Variants in ADAMTS6 observed in about 807,000 individuals in gnomAD.
ADAMTS6 encodes the protein ADAM metallopeptidase with thrombospondin type 1 motif 6.
In ADAMTS6, 23 loss-of-function variants were observed where a neutral mutation model predicts 144.3. The ratio of observed to expected loss-of-function variants is 0.16; its 90% CI spans 0.11 to 0.23. The LOEUF is 0.23. Ranked by LOEUF, ADAMTS6 falls within the 10% of genes least tolerant of loss-of-function variation. The pLI is 1.00. For missense variants in ADAMTS6, 999 were observed against 1,379.6 expected, an observed-to-expected ratio of 0.72 and a Z score of 4.37; for synonymous variants, 444 against 457.5, an observed-to-expected ratio of 0.97 and a Z score of 0.38.
At chr5:65,152,047 C>T in intron 24 of ADAMTS6, 102 bp from the exon 25 acceptor site, 1 of 973,600 alleles carries the variant, frequency 1.0e-6, no homozygotes, top group Non-Finnish European at 1.6e-6. Flanking sequence ...CCCTTTGGGC[C>T]AATCCACCTT....
At chr5:65,422,093 C>T (rs890134156) in intron 7 of ADAMTS6, among the ~76,000 whole-genome samples, 18 of 151,946 alleles carry the variant, frequency 1.2e-4, no homozygotes, top group African/African-American at 4.1e-4. Context: ...CTACAAGGAA[C>T]TCAAAACAAA....
At chr5:65,259,072 G>A (rs62369608) in intron 14 of ADAMTS6, among the ~76,000 whole-genome samples, 25,333 of 151,856 alleles carry the variant, frequency 0.17, 2,606 homozygotes, top group African/African-American at 0.28. Context: ...AGTAGTAGGA[G>A]CTGGCCGGGC....
intron 7 of ADAMTS6, among the ~76,000 whole-genome samples, chr5:65,371,464 C>A (rs561446484): frequency 6.6e-6 from 1 of 151,846 alleles, no homozygotes; most frequent in East Asian, 1.9e-4. Context: ...TCGAGAACTA[C>A]GTGAAGAATG....
At chr5:65,388,916 A>C (rs1371784666) in intron 7 of ADAMTS6, among the ~76,000 whole-genome samples, 1 of 152,184 alleles carries the variant, frequency 6.6e-6, no homozygotes, top group Non-Finnish European at 1.5e-5. Context: ...TATAGAAATG[A>C]AGGTTTCCAG....
At chr5:65,156,990 C>T (rs574230598) in intron 24 of ADAMTS6, among the ~76,000 whole-genome samples, 1 of 152,190 alleles carries the variant, frequency 6.6e-6, no homozygotes, top group East Asian at 1.9e-4. Context: ...TACACTTTAC[C>T]CAGGACTAGA....
rs1008747096 is a variant in ADAMTS6 at position 65,173,752 on chromosome 5, C to T, written c.2911-744G>A. ...TAAAATATGTAATTCAGGCCAGGCA[C>T]GGCAGCTTACGCCTGTAATCCCAGC... On this transcript the variant is annotated intron_variant, in intron 22 of 24. Coordinates refer to ENST00000381055, the MANE Select transcript of ADAMTS6 (RefSeq NM_197941.4). 7.9e-5 allele frequency among the ~76,000 whole-genome samples: 12 copies of T among 152,210 alleles called. No homozygotes were observed. In the South Asian group the frequency reaches 8.3e-4, roughly 11 times the overall value.
intron 7 of ADAMTS6, among the ~76,000 whole-genome samples, chr5:65,428,059 C>G (rs894794247): frequency 4.0e-5 from 6 of 151,610 alleles, no homozygotes; most frequent in Non-Finnish European, 7.4e-5. Flanking sequence ...AAGCCCGTCT[C>G]TACTAAAAAT....
At chr5:65,458,760 A>T (rs2150261377) in intron 4 of ADAMTS6, among the ~76,000 whole-genome samples, 1 of 152,278 alleles carries the variant, frequency 6.6e-6, no homozygotes, top group African/African-American at 2.4e-5. Context: ...TTACCTTTGC[A>T]TTAAGCTGAA....
At chr5:65,315,370 TAAGAG>T (rs552450568) in intron 9 of ADAMTS6, among the ~76,000 whole-genome samples, 129 of 151,954 alleles carry the variant, frequency 8.5e-4, no homozygotes, top group African/African-American at 3.0e-3. Flanking sequence ...ATTGATATGC[TAAGAG>T]AAGAGATAAA....
chr5:65,241,010 A>G (rs186367919), intron 15 of ADAMTS6, among the ~76,000 whole-genome samples: 1 of 152,178 alleles, frequency 6.6e-6, no homozygotes, highest in Admixed American at 6.6e-5. Context: ...ACTTAGAGGA[A>G]AGTACATTAA....
intron 15 of ADAMTS6, among the ~76,000 whole-genome samples, chr5:65,232,578 C>T (rs186874236): frequency 1.3e-5 from 2 of 150,600 alleles, no homozygotes; most frequent in Admixed American, 1.3e-4. Context: ...ACTTATATGT[C>T]AACAAGTTAG....
intron 7 of ADAMTS6, among the ~76,000 whole-genome samples, chr5:65,361,116 A>G (rs186263465): frequency 1.3e-5 from 2 of 152,326 alleles, no homozygotes; most frequent in Admixed American, 1.3e-4. Context: ...GGCCAACTGA[A>G]TATGAACCCC....
intron 17 of ADAMTS6, 110 bp downstream of exon 17, chr5:65,224,814 C>A: frequency 1.5e-6 from 2 of 1,306,732 alleles, no homozygotes; most frequent in East Asian, 2.5e-5. Flanking sequence ...GGGAAGAAAA[C>A]ATTGTCTGCC....
At chr5:65,408,274 C>T (rs866499402) in intron 7 of ADAMTS6, among the ~76,000 whole-genome samples, 3 of 152,010 alleles carry the variant, frequency 2.0e-5, no homozygotes, top group African/African-American at 4.8e-5. Context: ...CAGAGACACA[C>T]ATAGGCTCAA....
intron 15 of ADAMTS6, among the ~76,000 whole-genome samples, chr5:65,234,752 C>A (rs1002551940): frequency 2.6e-5 from 4 of 152,266 alleles, no homozygotes; most frequent in South Asian, 2.1e-4. Flanking sequence ...AATCCCACTT[C>A]TGGGTATATA....
At chr5:65,398,800 G>GAAAGA (rs1554083191) in intron 7 of ADAMTS6, among the ~76,000 whole-genome samples, 1 of 105,526 alleles carries the variant, frequency 9.5e-6, no homozygotes, top group Non-Finnish European at 2.0e-5. Context: ...AAGAAAGAAA[G>GAAAGA]AAAGAAAGAA....
At chr5:65,415,453 G>C (rs544622718) in intron 7 of ADAMTS6, 1 of 176,588 alleles carries the variant, frequency 5.7e-6, no homozygotes, top group Admixed American at 6.1e-5. Flanking sequence ...TGAGGCCAAG[G>C]TCATGGCCAT....
chr5:65,205,641 C>T (rs10940019), intron 20 of ADAMTS6, among the ~76,000 whole-genome samples: 21,770 of 151,958 alleles, frequency 0.14, 1,642 homozygotes, highest in Non-Finnish European at 0.17. Flanking sequence ...TGTAGAAATA[C>T]CCAACTTTTT....
chr5:65,440,106 C>A (rs1470790903), intron 7 of ADAMTS6, among the ~76,000 whole-genome samples: 2 of 152,158 alleles, frequency 1.3e-5, no homozygotes, highest in African/African-American at 4.8e-5. Flanking sequence ...CCATACCCAG[C>A]TGAGAATGTT....
Sources: allele counts gnomAD v4.1 joint callset (sites outside exome capture counted in the v4.1 genomes callset), GRCh38; gene constraint gnomAD v4.1.1; transcripts MANE v1.5; gene names NCBI Gene and HGNC (gene_info 2026-07-23, HGNC 2026-07-21).